The following PCLAF variants were observed in gnomAD, a reference collection of about 807,000 sequenced individuals.
PCLAF encodes the protein PCNA clamp associated factor, also known as PCNA-associated factor.
Under a neutral mutation model 15.1 loss-of-function variants are expected in PCLAF, and 12 were observed. That is an observed-to-expected ratio of 0.79 (90% confidence interval 0.51 to 1.29). The LOEUF is 1.29. PCLAF is among the 50% of genes most tolerant of loss of function. The probability of loss-of-function intolerance (pLI) is 0.00; values close to 1 mark genes in which losing one functional copy is unlikely to be tolerated. For missense variants in PCLAF, 116 were observed against 130.9 expected (o/e 0.89, Z 0.56); for synonymous variants, 33 against 47.1 (o/e 0.70, Z 1.22).
chr15:64,382,183 G>C (rs1899840363), upstream of PCLAF, among the ~76,000 whole-genome samples: 1 of 152,102 alleles, frequency 6.6e-6, no homozygotes, highest in African/African-American at 2.4e-5. Context: ...TTGACCCCAG[G>C]AGGTCGAGAC....
chr15:64,385,981 T>C (rs1325815259), upstream of PCLAF, among the ~76,000 whole-genome samples: 1 of 152,160 alleles, frequency 6.6e-6, no homozygotes, highest in Non-Finnish European at 1.5e-5. Flanking sequence ...TGGCCTGTCA[T>C]GGGTCTTTTC....
At chr15:64,384,192 T>C (rs1438807220), upstream of PCLAF, among the ~76,000 whole-genome samples, 1 of 152,110 alleles carries the variant, frequency 6.6e-6, no homozygotes, top group African/African-American at 2.4e-5. Flanking sequence ...TGGAATGCAG[T>C]GGCACGATCT....
chr15:64,377,360 G>A (rs1170985042), intron 2 of PCLAF, among the ~76,000 whole-genome samples: 1 of 148,994 alleles, frequency 6.7e-6, no homozygotes. Flanking sequence ...CCAGCTACTT[G>A]GGAGGCTGAG....
At chr15:64,376,273 TAGA>T (rs947358502) in intron 3 of PCLAF, among the ~76,000 whole-genome samples, 16 of 152,032 alleles carry the variant, frequency 1.1e-4, no homozygotes, top group African/African-American at 3.4e-4. Context: ...AATAAGAAAT[TAGA>T]AGAAGTTTTT....
At chr15:64,381,072 G>A (rs932576154) in intron 1 of PCLAF, 34 bp from the exon 2 acceptor site, 3 of 1,601,182 alleles carry the variant, frequency 1.9e-6, no homozygotes, top group Non-Finnish European at 1.7e-6. Flanking sequence ...TGTTCAGAAG[G>A]GGCAGGAGGG....
chr15:64,366,185 G>A, intron 3 of PCLAF, 110 bp from the exon 4 acceptor site: 3 of 615,172 alleles, frequency 4.9e-6, no homozygotes, highest in South Asian at 3.0e-5. Context: ...CAGTAGATCT[G>A]GTCTAATGAC....
intron 1 of PCLAF, 108 bp from the exon 2 acceptor site, chr15:64,381,146 G>A: frequency 8.0e-7 from 1 of 1,252,234 alleles, no homozygotes; most frequent in Non-Finnish European, 1.2e-6. Flanking sequence ...CAGAACAGCA[G>A]GATAACCTTA....
intron 2 of PCLAF, among the ~76,000 whole-genome samples, chr15:64,379,142 G>A (rs1032598037): frequency 1.3e-5 from 2 of 151,950 alleles, no homozygotes. Flanking sequence ...GTTGGCTCTG[G>A]TGATTCAACA....
In PCLAF at chr15:64,373,320, T is replaced by C. The variant is rs1461948849; in HGVS notation, c.290+3423A>G. The C allele has an allele frequency of 3.5e-5, 6 of 173,286 alleles. No individual in the cohort carries two copies. The East Asian group carries it at 7.4e-4, about 21-fold the overall frequency. 10.7% of individuals were successfully genotyped at this position (173,286 alleles called of 1,614,324 possible). ...TTATCATCTAGTCAAATCCTTCAGATGCTCTTTAAACCAGTCCAGTTTGAG... is the reference window on the plus strand; with the variant it reads ...TTATCATCTAGTCAAATCCTTCAGACGCTCTTTAAACCAGTCCAGTTTGAG... On this transcript the variant is annotated intron_variant, in intron 3 of 3. Coordinates refer to ENST00000300035, the MANE Select transcript of PCLAF (RefSeq NM_014736.6).
intron 3 of PCLAF, among the ~76,000 whole-genome samples, chr15:64,370,034 G>A (rs975318958): frequency 6.6e-6 from 1 of 151,374 alleles, no homozygotes; most frequent in Non-Finnish European, 1.5e-5. Flanking sequence ...GAACAACTAA[G>A]CATCAGTGTG....
intron 3 of PCLAF, chr15:64,373,542 C>G: frequency 7.8e-7 from 1 of 1,280,064 alleles, no homozygotes; most frequent in Non-Finnish European, 1.0e-6. Flanking sequence ...ACAAGGAGAC[C>G]GGCTGTAGGC....
At chr15:64,379,449 C>T (rs1177151453) in intron 2 of PCLAF, among the ~76,000 whole-genome samples, 3 of 148,818 alleles carry the variant, frequency 2.0e-5, no homozygotes, top group Non-Finnish European at 4.5e-5. Context: ...CCACTGCACT[C>T]AAGCCTGGGC....
chr15:64,381,116 G>A, intron 1 of PCLAF, 78 bp from the exon 2 acceptor site: 1 of 1,414,666 alleles, frequency 7.1e-7, no homozygotes, highest in African/African-American at 1.4e-5. Flanking sequence ...CAGCAGCTTG[G>A]AGAGGAGAGC....
upstream of PCLAF, among the ~76,000 whole-genome samples, chr15:64,384,415 T>G (rs956758969): frequency 4.0e-5 from 6 of 151,730 alleles, no homozygotes; most frequent in African/African-American, 1.5e-4. Flanking sequence ...ATTACAGGTG[T>G]GAGCCACTGC....
intron 3 of PCLAF, among the ~76,000 whole-genome samples, chr15:64,370,780 A>C (rs1899261966): frequency 6.8e-6 from 1 of 146,988 alleles, no homozygotes; most frequent in Non-Finnish European, 1.5e-5. Context: ...AAAAATATTG[A>C]CTAATTATAG....
chr15:64,377,488 AATATAT>A lies in PCLAF; in HGVS notation c.128-589_128-584del, dbSNP rs1166593614. ...TCTGTCTCAAAAAAAAAAAAAAAAA[AATATAT>A]ATATATATATATATATATATATATA... On this transcript the variant is annotated intron_variant, in intron 2 of 3. Coordinates refer to ENST00000300035, the MANE Select transcript of PCLAF (RefSeq NM_014736.6). Among the ~76,000 whole-genome samples the A allele has an allele frequency of 7.0e-3, 204 of 29,022 alleles. 2 individuals carry two copies. Among genetic ancestry groups the A allele is most frequent in the Admixed American group, 0.011 (18 of 1,610 alleles). The allele number at this position is 29,022 out of a possible 152,430, so 19.0% of individuals were successfully genotyped here. A position where few individuals can be genotyped will look rare whatever the true frequency, so the allele number is the denominator to read the frequency against.
chr15:64,385,668 CTAGATAACTTG>C (rs372414082), upstream of PCLAF, among the ~76,000 whole-genome samples: 470 of 151,890 alleles, frequency 3.1e-3, 1 homozygote, highest in African/African-American at 0.011. Flanking sequence ...AAAGAAATAC[CTAGATAACTTG>C]TAAAGCATTG....
At chr15:64,384,671 G>A (rs1156619064), upstream of PCLAF, among the ~76,000 whole-genome samples, 1 of 151,062 alleles carries the variant, frequency 6.6e-6, no homozygotes, top group African/African-American at 2.4e-5. Context: ...GAACCTGGGA[G>A]GTGGAGGTTG....
At chr15:64,386,143 C>T (rs1273545307), upstream of PCLAF, among the ~76,000 whole-genome samples, 1 of 151,892 alleles carries the variant, frequency 6.6e-6, no homozygotes, top group Non-Finnish European at 1.5e-5. Flanking sequence ...TGATACCTTA[C>T]AATTATTATT....
Sources: gnomAD v4.1 joint callset for allele counts (sites outside exome capture counted in the v4.1 genomes callset) on GRCh38, gnomAD v4.1.1 for gene constraint, MANE v1.5 for transcripts, NCBI Gene and HGNC (gene_info 2026-07-23, HGNC 2026-07-21) for gene names.